The following DTX1 variants were observed in gnomAD, a reference collection of about 807,000 sequenced individuals.
The protein encoded by DTX1 is E3 ubiquitin-protein ligase DTX1.
DTX1 carries 26 observed loss-of-function variants against 57.8 expected under a neutral mutation model. That is an observed-to-expected ratio of 0.45 (90% CI 0.33 to 0.62). The LOEUF is 0.62. Among genes scored for constraint, DTX1 ranks in the 20% least tolerant of loss-of-function variants. The pLI, the probability that DTX1 is intolerant of heterozygous loss-of-function variation, is 0.02. For missense variants in DTX1, 704 were observed against 895.3 expected (o/e 0.79, Z 2.73); for synonymous variants, 398 against 394.1 (o/e 1.01, Z -0.12).
chr12:113,086,160 C>T (rs976492395), intron 3 of DTX1, among the ~76,000 whole-genome samples: 5 of 151,064 alleles, frequency 3.3e-5, no homozygotes. Flanking sequence ...CCCAGCTACA[C>T]AGGAGGCTGA....
chr12:113,083,546 G>T (rs1266126432), intron 3 of DTX1, among the ~76,000 whole-genome samples: 1 of 152,082 alleles, frequency 6.6e-6, no homozygotes, highest in African/African-American at 2.4e-5. Flanking sequence ...GGCTGGTCTC[G>T]AACTCCTGAC....
chr12:113,087,196 T>C (rs1175047058), intron 3 of DTX1, among the ~76,000 whole-genome samples: 2 of 152,056 alleles, frequency 1.3e-5, no homozygotes, highest in Admixed American at 6.6e-5. Context: ...CACCTCAAAA[T>C]GTCTCCCGAG....
rs2044780733 is a variant in DTX1, at chr12:113,077,480, G to A, written c.316G>A (p.Gly106Ser). The A allele has an allele frequency of 6.2e-7, 1 of 1,612,914 alleles. No homozygotes were observed. The highest frequency in any genetic ancestry group is 8.5e-7 in the Non-Finnish European group (1 of 1,179,892). Residue 106 changes from glycine (G) to serine (S), a missense_variant, in exon 3 of 10, where the codon GGC (glycine) becomes AGC (serine). By Grantham distance (56) the Gly-to-Ser change is moderately conservative. This residue lies in a region of DTX1 where 237 missense variants were observed against 328.6 expected (regional missense o/e 0.72). Coordinates refer to ENST00000548759, the MANE Select transcript of DTX1 (RefSeq NM_004416.3). This position sits in a 1 kb window ranked among gnomAD's most constrained non-coding sequence, Gnocchi z 7.8. ...FYDPSSAPGK[G>S]IVWEWENDGG... Reference sequence around the variant, plus strand: ...CGACCCGTCGTCGGCGCCGGGCAAGGGCATCGTGTGGGAGTGGGAGAACGA... The same window carrying A: ...CGACCCGTCGTCGGCGCCGGGCAAGAGCATCGTGTGGGAGTGGGAGAACGA...
intron 3 of DTX1, among the ~76,000 whole-genome samples, chr12:113,080,698 G>A (rs1184338233): frequency 1.3e-5 from 2 of 152,122 alleles, no homozygotes; most frequent in East Asian, 1.9e-4. Context: ...CATGTAGCCT[G>A]GGAACAGTGC....
chr12:113,071,898 C>T (rs768136495), intron 2 of DTX1, among the ~76,000 whole-genome samples: 5 of 152,246 alleles, frequency 3.3e-5, no homozygotes, highest in Non-Finnish European at 7.3e-5. Context: ...TCCAGGGACA[C>T]AGCCTTTAAT....
chr12:113,056,929 G>C lies in DTX1; in HGVS notation c.-760G>C, dbSNP rs1251732792. On this transcript the variant is annotated 5_prime_UTR_variant, in exon 1 of 10. Transcript: ENST00000548759. ...GGAGCGCGAGCCGGAGCCGGAGCCGGAGACGAAGAGAGGCGGTGAGAACGC... is the reference window on the plus strand; with the variant it reads ...GGAGCGCGAGCCGGAGCCGGAGCCGCAGACGAAGAGAGGCGGTGAGAACGC... 6.5e-6 allele frequency: 1 copy of C among 152,764 alleles called. No individual in the cohort carries two copies. The highest frequency in any genetic ancestry group is 1.5e-5 in the Non-Finnish European group (1 of 68,526). 9.5% of individuals were successfully genotyped at this position (152,764 alleles called of 1,614,324 possible). A position where few individuals can be genotyped will look rare whatever the true frequency, so the allele number is the denominator to read the frequency against.
intron 2 of DTX1, among the ~76,000 whole-genome samples, chr12:113,072,495 G>A (rs566608303): frequency 1.3e-5 from 2 of 152,248 alleles, no homozygotes; most frequent in East Asian, 3.9e-4. Context: ...GGTAACATAT[G>A]TAATATCAGC....
Position 113,097,061 on chromosome 12 carries a change from C to G in DTX1, c.*122C>G, listed in dbSNP as rs1950310786. The G allele has an allele frequency of 9.0e-7, 1 of 1,117,214 alleles. No individual in the cohort carries two copies. The highest frequency in any genetic ancestry group is 1.2e-6 in the Non-Finnish European group (1 of 806,642). The allele number at this position is 1,117,214 out of a possible 1,614,324, so 69.2% of individuals were successfully genotyped here. On this transcript the variant is annotated 3_prime_UTR_variant, in exon 10 of 10. Transcript: ENST00000548759. ...GAGGAGCCTGCGGAAGGGGCCGCAG[C>G]CATTCAGGGGACCTGCCTGGTGGCA...
At chr12:113,076,156 A>C (rs1286646908) in intron 2 of DTX1, among the ~76,000 whole-genome samples, 1 of 152,088 alleles carries the variant, frequency 6.6e-6, no homozygotes, top group Non-Finnish European at 1.5e-5. Flanking sequence ...TAAAGGTATC[A>C]ATTTAAAAAA....
intron 2 of DTX1, among the ~76,000 whole-genome samples, chr12:113,076,458 G>GAAAAA (rs56382675): frequency 1.6e-5 from 2 of 126,522 alleles, no homozygotes; most frequent in African/African-American, 5.8e-5. Context: ...ACTCTGCCTG[G>GAAAAA]AAAAAAAAAA....
At position 113,073,700 on chromosome 12, in the gene DTX1, C is replaced by T. The variant is rs55999512; in HGVS notation, c.260-3724C>T. Among the ~76,000 whole-genome samples the T allele has an allele frequency of 4.4e-3, 663 of 152,326 alleles. 9 individuals are homozygous for T. The highest frequency in any genetic ancestry group is 0.015 in the African/African-American group (643 of 41,574). On this transcript the variant is annotated intron_variant, in intron 2 of 9. Transcript: ENST00000548759. ...AAGCTCTTTCAGCCCTGAGTAGGGA[C>T]ACACCAGTGTGGAACAGTCTGAGTT... is the stretch of plus-strand genomic sequence containing the variant.
rs552906637 is a variant in DTX1, at chr12:113,058,116, G to C, written c.-77G>C. 6.8e-7 allele frequency: 1 copy of C among 1,473,572 alleles called. No individual in the cohort carries two copies. Among genetic ancestry groups the C allele is most frequent in the East Asian group, 2.4e-5 (1 of 40,958 alleles). 91.3% of individuals were successfully genotyped at this position (1,473,572 alleles called of 1,614,324 possible). A position where few individuals can be genotyped will look rare whatever the true frequency, so the allele number is the denominator to read the frequency against. On this transcript the variant is annotated 5_prime_UTR_variant, in exon 2 of 10. Transcript: ENST00000548759. ...TGCTGTCCCCCTGGGGAGAGAGGAAGTTGCCGCCTGCTGCCAGGCCCAGGA... is the reference window on the plus strand; with the variant it reads ...TGCTGTCCCCCTGGGGAGAGAGGAACTTGCCGCCTGCTGCCAGGCCCAGGA...
At chr12:113,075,223 C>T (rs548289497) in intron 2 of DTX1, among the ~76,000 whole-genome samples, 1 of 152,326 alleles carries the variant, frequency 6.6e-6, no homozygotes, top group South Asian at 2.1e-4. Flanking sequence ...GTTGCCTACG[C>T]ACAGTCACAG....
chr12:113,073,873 CCT>C (rs55918139), intron 2 of DTX1, among the ~76,000 whole-genome samples: 24,050 of 152,176 alleles, frequency 0.16, 2,540 homozygotes, highest in Middle Eastern at 0.32. Context: ...AGACAAGATC[CCT>C]GACTTTGCAG....
intron 3 of DTX1, 142 bp downstream of exon 3, chr12:113,078,247 T>A: frequency 6.8e-6 from 5 of 730,058 alleles, no homozygotes; most frequent in Non-Finnish European, 8.9e-6. Context: ...CACTAAATGT[T>A]CATTTTGTGC....
intron 2 of DTX1, among the ~76,000 whole-genome samples, chr12:113,073,480 G>C (rs2044750155): frequency 6.6e-6 from 1 of 152,206 alleles, no homozygotes; most frequent in South Asian, 2.1e-4. Context: ...CTGGAACATG[G>C]TAGGTGCCCA....
chr12:113,063,059 T>TGGGGACCATCCAAAGA (rs2044676346), intron 2 of DTX1, among the ~76,000 whole-genome samples: 1 of 152,190 alleles, frequency 6.6e-6, no homozygotes, highest in African/African-American at 2.4e-5. Flanking sequence ...GATGGGTCGC[T>TGGGGACCATCCAAAGA]TGCTCGCTTC....
In DTX1 at chr12:113,057,988, G is replaced by C. The variant is rs2044640430; in HGVS notation, c.-205G>C. 1.3e-6 allele frequency: 1 copy of C among 755,996 alleles called. No individual in the cohort carries two copies. The highest frequency in any genetic ancestry group is 1.9e-5 in the South Asian group (1 of 51,994). The allele number at this position is 755,996 out of a possible 1,614,324, so 46.8% of individuals were successfully genotyped here. On this transcript the variant is annotated 5_prime_UTR_variant, in exon 2 of 10. Transcript: ENST00000548759. ...ACCCTTTATCGGAGAAGGCTCTACA[G>C]GGAAGGGGTCTTTGCAGCCTGGATG...
rs201809063 is a variant in DTX1, at chr12:113,094,858, G to A, written c.1297G>A (p.Val433Met). The change falls in exon 7 of 10, where the codon GTG becomes ATG. Residue 433 changes from valine (V) to methionine (M), a missense_variant. Transcript: ENST00000548759. Reference sequence around the variant, plus strand: ...CGAGGGCGTGCTTCGGCACAAGGGCGTGCGGCCTGAGCTCGTGGGCCGCCT... The same window carrying A: ...CGAGGGCGTGCTTCGGCACAAGGGCATGCGGCCTGAGCTCGTGGGCCGCCT... ...GYEGVLRHKG[V>M]RPELVGRLGR... is the part of the protein sequence containing the mutation. 2.5e-5 allele frequency: 40 copies of A among 1,613,798 alleles called. No homozygotes were observed. Among genetic ancestry groups the A allele is most frequent in the East Asian group, 1.1e-4 (5 of 44,882 alleles).
Sources: gnomAD v4.1 joint callset for allele counts (sites outside exome capture counted in the v4.1 genomes callset) on GRCh38, gnomAD v4.1.1 for gene constraint, gnomAD v4.1.1 regional missense constraint, Gnocchi (gnomAD v3.1) non-coding constraint, MANE v1.5 for transcripts, NCBI Gene and HGNC (gene_info 2026-07-23, HGNC 2026-07-21) for gene names.